The following SARS1 variants were observed in gnomAD, a reference collection of about 807,000 sequenced individuals.
The protein encoded by SARS1 is serine--tRNA ligase, cytoplasmic.
In SARS1, 25 loss-of-function variants were observed where a neutral mutation model predicts 63.7. The ratio of observed to expected loss-of-function variants is 0.39; its 90% confidence interval spans 0.29 to 0.55. The LOEUF (loss-of-function observed/expected upper bound fraction) is 0.55, where lower values mean the gene tolerates loss of function less well. Among genes scored for constraint, SARS1 ranks in the 20% least tolerant of loss-of-function variants. The pLI is 0.62. For synonymous variants in SARS1, 231 were observed against 243.5 expected (o/e 0.95, Z 0.48); for missense variants, 417 against 649.7 (o/e 0.64, Z 3.89).
rs1373344554 is a variant in SARS1, at chr1:109,231,748, G to A, written c.709G>A (p.Val237Met). The change falls in exon 6 of 11, where the codon GTG becomes ATG. Residue 237 changes from valine to methionine, a missense_variant. By Grantham distance (21) the Val-to-Met change is conservative. This residue lies in a region of SARS1 where 359 missense variants were observed against 529.6 expected (regional missense o/e 0.68). Transcript: ENST00000234677. ...FFMRKEVMQE[V>M]AQLSQFDEEL... ...CATGAGGAAGGAGGTCATGCAGGAG[G>A]TGGCACAGCTCAGCCAGTTTGATGA... 1 of 1,585,356 alleles carries A rather than the reference G, an allele frequency of 6.3e-7. No individual in the cohort carries two copies. Among genetic ancestry groups the A allele is most frequent in the Non-Finnish European group, 8.6e-7 (1 of 1,168,240 alleles).
chr1:109,231,778 C>G lies in SARS1; in HGVS notation c.739C>G (p.Leu247Val). The part of the protein sequence containing the change: ...VAQLSQFDEE[L>V]YKVIGKGSEK... ...ACAGCTCAGCCAGTTTGATGAAGAACTTTATAAGGTGAGTAGCCTGGGTCA... is the reference window on the plus strand; with the variant it reads ...ACAGCTCAGCCAGTTTGATGAAGAAGTTTATAAGGTGAGTAGCCTGGGTCA... Residue 247 changes from leucine (L) to valine (V), a missense_variant, in exon 6 of 11, where the codon CTT becomes GTT. Leu to Val is a conservative substitution (Grantham distance 32). This residue lies in a region of SARS1 where 359 missense variants were observed against 529.6 expected (regional missense o/e 0.68). Transcript: ENST00000234677. The G allele has an allele frequency of 6.5e-7, 1 of 1,541,698 alleles. No homozygotes were observed. The highest frequency in any genetic ancestry group is 1.3e-5 in the South Asian group (1 of 79,916).
In SARS1 at chr1:109,237,032, A is replaced by G. The variant is rs950801592; in HGVS notation, c.1258-212A>G. ...TACCAGAAGCTACCACTTGTCACTC[A>G]TCGAAACATGAGGGATCTTTCTGCA... is the stretch of plus-strand genomic sequence containing the variant. On this transcript the variant is annotated intron_variant, in intron 9 of 10. Transcript: ENST00000234677. This position sits in a 1 kb window ranked among gnomAD's most constrained non-coding sequence, Gnocchi z 4.1. 3.2e-6 allele frequency: 4 copies of G among 1,255,500 alleles called. No individual in the cohort carries two copies. Among genetic ancestry groups the G allele is most frequent in the Non-Finnish European group, 4.3e-6 (4 of 926,046 alleles). The allele number at this position is 1,255,500 out of a possible 1,614,324, so 77.8% of individuals were successfully genotyped here. A position where few individuals can be genotyped will look rare whatever the true frequency, so the allele number is the denominator to read the frequency against.
At position 109,231,247 on chromosome 1, in the gene SARS1, C is replaced by G. The variant is rs188931656; in HGVS notation, c.591+226C>G. 1.7e-4 allele frequency: 47 copies of G among 275,214 alleles called. No individual in the cohort carries two copies. In the East Asian group the frequency reaches 2.5e-3, roughly 14 times the overall value. The allele number at this position is 275,214 out of a possible 1,614,324, so 17.0% of individuals were successfully genotyped here. A position where few individuals can be genotyped will look rare whatever the true frequency, so the allele number is the denominator to read the frequency against. On this transcript the variant is annotated intron_variant, in intron 5 of 10. Transcript: ENST00000234677. ...CGTAGAACAAAAGCCACTAAGTGGT[C>G]CTCCATAATGAATGTCTGTTTTGCT...
chr1:109,226,074 C>G (rs2101193598), intron 2 of SARS1, among the ~76,000 whole-genome samples: 1 of 151,754 alleles, frequency 6.6e-6, no homozygotes, highest in East Asian at 1.9e-4. Context: ...CTCACTGCAG[C>G]CTCAACCTCC....
In SARS1 at chr1:109,213,980, G is replaced by C. The variant is rs780728545; in HGVS notation, c.-13G>C. The C allele has an allele frequency of 1.2e-6, 2 of 1,605,404 alleles. No individual in the cohort carries two copies. The highest frequency in any genetic ancestry group is 1.1e-5 in the South Asian group (1 of 90,376). Reference sequence around the variant, plus strand: ...TCCTTGCTTCCCTGAGCGTTGGCCCGGGAGGAAAGAAGATGGTGCTGGATC... The same window carrying C: ...TCCTTGCTTCCCTGAGCGTTGGCCCCGGAGGAAAGAAGATGGTGCTGGATC... On this transcript the variant is annotated 5_prime_UTR_variant, in exon 1 of 11. Transcript: ENST00000234677.
At chr1:109,220,934 A>T (rs889135437) in intron 1 of SARS1, among the ~76,000 whole-genome samples, 1 of 151,914 alleles carries the variant, frequency 6.6e-6, no homozygotes, top group East Asian at 1.9e-4. Context: ...ATAGATCAAA[A>T]TTTTTTTTAA....
intron 2 of SARS1, among the ~76,000 whole-genome samples, chr1:109,226,701 C>CATATATATAT (rs61204287): frequency 2.4e-4 from 17 of 69,770 alleles, no homozygotes; most frequent in Non-Finnish European, 3.3e-4. Context: ...TATATATACA[C>CATATATATAT]ACACACACAC....
Position 109,218,899 on chromosome 1 carries a change from A to T in SARS1, c.136+4771A>T, listed in dbSNP as rs576565588. Among the ~76,000 whole-genome samples the T allele has an allele frequency of 1.6e-4, 25 of 152,192 alleles. 1 individual carries two copies. The highest frequency in any genetic ancestry group is 1.0e-3 in the Admixed American group (16 of 15,284). On this transcript the variant is annotated intron_variant, in intron 1 of 10. Transcript: ENST00000234677. The stretch of plus-strand genomic sequence containing the variant: ...TATTTTTATTGACATAGATACAGTA[A>T]AGTACACAAATCTTAGTGTACAGGT...
intron 2 of SARS1, among the ~76,000 whole-genome samples, chr1:109,226,663 T>TAAAAAA (rs66652692): frequency 2.3e-4 from 13 of 55,530 alleles, no homozygotes; most frequent in African/African-American, 6.6e-4. Flanking sequence ...CTGGCTAATT[T>TAAAAAA]AAAAAAAAAA....
At chr1:109,216,683 T>C (rs1305646964) in intron 1 of SARS1, 1 of 767,024 alleles carries the variant, frequency 1.3e-6, no homozygotes, top group East Asian at 1.3e-4. Flanking sequence ...CACCCAGGCA[T>C]GATCACAGCT....
At chr1:109,224,085 G>C (rs1326502506) in intron 2 of SARS1, 37 bp downstream of exon 2, 3 of 1,459,242 alleles carry the variant, frequency 2.1e-6, no homozygotes, top group Non-Finnish European at 2.9e-6. Context: ...ATGAGAACTT[G>C]AGCGGAGATA....
At chr1:109,236,249 G>T in intron 8 of SARS1, 142 bp from the exon 9 acceptor site, 1 of 1,289,864 alleles carries the variant, frequency 7.8e-7, no homozygotes, top group Non-Finnish European at 1.1e-6. Flanking sequence ...TCTCACTTGG[G>T]AGTATTTGGT....
At chr1:109,220,099 C>A (rs922139649) in intron 1 of SARS1, among the ~76,000 whole-genome samples, 3 of 152,134 alleles carry the variant, frequency 2.0e-5, no homozygotes, top group South Asian at 4.1e-4. Flanking sequence ...TTTATGAATA[C>A]AATGTGGAAT....
In SARS1 at chr1:109,219,280, T is replaced by TATATATATATATATAC. The variant is rs777650858; in HGVS notation, c.137-4689_137-4688insTATATACATATATATA. On this transcript the variant is annotated intron_variant, in intron 1 of 10. Coordinates refer to ENST00000234677, the MANE Select transcript of SARS1 (RefSeq NM_006513.4). The stretch of plus-strand genomic sequence containing the variant: ...GACTCTCCATATATATATATATATA[T>TATATATATATATATAC]ATATATATAGTGTACATATACAGTA... 4.9e-5 allele frequency among the ~76,000 whole-genome samples: 3 copies of TATATATATATATATAC among 61,128 alleles called. 1 individual carries two copies. In the East Asian group the frequency reaches 3.1e-3, roughly 64 times the overall value. The allele number at this position is 61,128 out of a possible 152,430, so 40.1% of individuals were successfully genotyped here.
chr1:109,216,312 T>A, intron 1 of SARS1: 18 of 985,430 alleles, frequency 1.8e-5, no homozygotes, highest in Non-Finnish European at 2.2e-5. Context: ...TACCAATTTG[T>A]CTTCCTGTAG....
chr1:109,236,400 A>G lies in SARS1; in HGVS notation c.1109A>G (p.Asn370Ser), dbSNP rs1161613259. The change falls in exon 9 of 11, where the codon AAT becomes AGT. Residue 370 changes from asparagine (N) to serine (S), a missense_variant. Asn to Ser is a conservative substitution (Grantham distance 46). Around this residue, in one of 3 missense-constraint regions of SARS1, gnomAD observed 359 missense variants for 529.6 expected, o/e 0.68. Transcript: ENST00000234677. ...GGGTTTTTCCTTACAGGTTCTTTGA[A>G]TCATGCTGCCAGTAAGAAGCTTGAC... is the stretch of plus-strand genomic sequence containing the variant. ...HIVNIVSGSLNHAASKKLDLE... is the reference protein window; with the variant it reads ...HIVNIVSGSLSHAASKKLDLE... 2 of 1,592,470 alleles carry G rather than the reference A, an allele frequency of 1.3e-6. No individual in the cohort carries two copies. The highest frequency in any genetic ancestry group is 1.7e-5 in the Admixed American group (1 of 59,040).
At chr1:109,227,778 A>T (rs1352752881) in intron 2 of SARS1, among the ~76,000 whole-genome samples, 1 of 151,732 alleles carries the variant, frequency 6.6e-6, no homozygotes, top group Non-Finnish European at 1.5e-5. Flanking sequence ...AATTAGCCAG[A>T]CGTGGTGGTG....
chr1:109,231,288 GTC>G (rs1396576011), intron 5 of SARS1: 2 of 265,288 alleles, frequency 7.5e-6, no homozygotes, highest in Non-Finnish European at 1.4e-5. Flanking sequence ...AATCAGAACA[GTC>G]TCTGCCTTTA....
chr1:109,215,764 G>GAGCCGAGATGGTGCCACT, intron 1 of SARS1: 3 of 632,538 alleles, frequency 4.7e-6, no homozygotes, highest in Non-Finnish European at 3.9e-6. Flanking sequence ...GGAGTGCAGT[G>GAGCCGAGATGGTGCCACT]GCACCATCTC....
Sources: gnomAD v4.1 joint callset for allele counts (sites outside exome capture counted in the v4.1 genomes callset) on GRCh38, gnomAD v4.1.1 for gene constraint, gnomAD v4.1.1 regional missense constraint, Gnocchi (gnomAD v3.1) non-coding constraint, MANE v1.5 for transcripts, NCBI Gene and HGNC (gene_info 2026-07-23, HGNC 2026-07-21) for gene names.